NYAP2: variants seen among roughly 807,000 people sequenced by gnomAD.
NYAP2 encodes neuronal tyrosine-phosphorylated phosphoinositide-3-kinase adapter 2.
Under a neutral mutation model 50.4 loss-of-function variants are expected in NYAP2, and 23 were observed. The observed-to-expected ratio is 0.46, with a 90% confidence interval of 0.33 to 0.65. The LOEUF (loss-of-function observed/expected upper bound fraction) is 0.65, where lower values mean the gene tolerates loss of function less well. NYAP2 is among the 30% of genes least tolerant of loss of function. The pLI is 0.02. For missense variants in NYAP2, 885 were observed against 861.0 expected, an observed-to-expected ratio of 1.03 and a Z score of -0.35; for synonymous variants, 394 against 365.2, an observed-to-expected ratio of 1.08 and a Z score of -0.90.
intron 6 of NYAP2, among the ~76,000 whole-genome samples, chr2:225,643,718 T>C (rs1314324463): frequency 3.3e-5 from 5 of 151,910 alleles, no homozygotes; most frequent in Non-Finnish European, 5.9e-5. Context: ...CTTGCGATAG[T>C]TTACTGAGAA....
chr2:225,673,747 A>T, the NYAP2 span, among the ~76,000 whole-genome samples: 1 of 152,162 alleles, frequency 6.6e-6, no homozygotes, highest in Non-Finnish European at 1.5e-5. Context: ...GGATAGTCAG[A>T]AAGCTCAGTC....
At chr2:225,615,643 G>A (rs142394700) in intron 5 of NYAP2, among the ~76,000 whole-genome samples, 147 of 152,256 alleles carry the variant, frequency 9.7e-4, no homozygotes, top group African/African-American at 3.5e-3. Context: ...AGGTACTCCC[G>A]ATGCAAATTT....
intron 3 of NYAP2, among the ~76,000 whole-genome samples, chr2:225,439,172 G>A (rs1318763662): frequency 1.3e-5 from 2 of 152,122 alleles, no homozygotes; most frequent in East Asian, 1.9e-4. Flanking sequence ...ATAAGGGTTG[G>A]GTTTTCATTA....
chr2:225,557,276 T>C (rs1016288646), intron 4 of NYAP2, among the ~76,000 whole-genome samples: 2 of 152,166 alleles, frequency 1.3e-5, no homozygotes, highest in African/African-American at 2.4e-5. Context: ...CTTCCATCCA[T>C]CTATCAATCC....
intron 3 of NYAP2, among the ~76,000 whole-genome samples, chr2:225,468,818 C>G (rs1334048207): frequency 6.6e-6 from 1 of 152,128 alleles, no homozygotes; most frequent in Non-Finnish European, 1.5e-5. Flanking sequence ...GAGTTTCTTT[C>G]TAATTGTGAT....
At chr2:225,642,660 A>G (rs950126599) in intron 6 of NYAP2, among the ~76,000 whole-genome samples, 1 of 152,178 alleles carries the variant, frequency 6.6e-6, no homozygotes, top group Non-Finnish European at 1.5e-5. Flanking sequence ...GGGATAGAAT[A>G]ATCGATTGGA....
chr2:225,647,972 ATG>A (rs1693662102), intron 6 of NYAP2, among the ~76,000 whole-genome samples: 1 of 30,726 alleles, frequency 3.3e-5, no homozygotes, highest in Non-Finnish European at 6.0e-5. Flanking sequence ...GTGCATACAT[ATG>A]TGTGTGTGCA....
intron 3 of NYAP2, among the ~76,000 whole-genome samples, chr2:225,454,948 A>G (rs573094628): frequency 1.3e-5 from 2 of 152,290 alleles, no homozygotes; most frequent in African/African-American, 4.8e-5. Context: ...GGTGATCTCA[A>G]TGTAGTCAAA....
At chr2:225,498,545 G>A (rs962711138) in intron 3 of NYAP2, among the ~76,000 whole-genome samples, 6 of 150,794 alleles carry the variant, frequency 4.0e-5, no homozygotes, top group African/African-American at 1.5e-4. Flanking sequence ...GAGGAGGATT[G>A]ATGTGATCCC....
chr2:225,513,993 G>A (rs1403531308), intron 4 of NYAP2, among the ~76,000 whole-genome samples: 1 of 152,070 alleles, frequency 6.6e-6, no homozygotes, highest in Non-Finnish European at 1.5e-5. Context: ...ACAATTAAAG[G>A]TATTATTATT....
intron 3 of NYAP2, among the ~76,000 whole-genome samples, chr2:225,476,773 T>C (rs1035249288): frequency 6.6e-5 from 10 of 152,162 alleles, no homozygotes; most frequent in African/African-American, 1.9e-4. Flanking sequence ...CAATATGCCA[T>C]ACAGATACAA....
upstream of NYAP2, among the ~76,000 whole-genome samples, chr2:225,399,308 AG>A (rs746937819): frequency 5.3e-5 from 8 of 152,208 alleles, no homozygotes; most frequent in Admixed American, 3.9e-4. Context: ...AGGAGGAGCC[AG>A]TATGAGAAAA....
chr2:225,435,473 T>C (rs1163498947), intron 3 of NYAP2, among the ~76,000 whole-genome samples: 1 of 152,196 alleles, frequency 6.6e-6, no homozygotes, highest in Admixed American at 6.5e-5. Context: ...GGAGGTTAAA[T>C]TGGCTTAAGT....
At chr2:225,566,506 TTTTC>T (rs1691965838) in intron 4 of NYAP2, among the ~76,000 whole-genome samples, 1 of 152,228 alleles carries the variant, frequency 6.6e-6, no homozygotes, top group Admixed American at 6.5e-5. Context: ...CCCAACTTAC[TTTTC>T]TTTAAGATAA....
chr2:225,449,231 T>G (rs1368482477), intron 3 of NYAP2, among the ~76,000 whole-genome samples: 1 of 152,230 alleles, frequency 6.6e-6, no homozygotes, highest in Non-Finnish European at 1.5e-5. Context: ...TCATTTATCC[T>G]TGAATGTATT....
rs191095145 is a variant in NYAP2, at chr2:225,416,927, A to C, written c.221+7826A>C. Among the ~76,000 whole-genome samples, 25 of 152,306 alleles carry C rather than the reference A, an allele frequency of 1.6e-4. No individual in the cohort carries two copies. In the East Asian group the frequency reaches 4.8e-3, roughly 29 times the overall value. On this transcript the variant is annotated intron_variant, in intron 3 of 6. Transcript: ENST00000636099. ...GTGGACCTTCCAAACATCCAACACC[A>C]TGGCAAATTGAATGATTAAACAGAA...
chr2:225,635,495 TC>T (rs574907921), intron 6 of NYAP2, among the ~76,000 whole-genome samples: 139 of 152,306 alleles, frequency 9.1e-4, no homozygotes, highest in South Asian at 1.7e-3. Context: ...AAACGTTTAT[TC>T]CGTTCCCATT....
chr2:225,453,493 C>CA (rs1689685776), intron 3 of NYAP2, among the ~76,000 whole-genome samples: 1 of 151,956 alleles, frequency 6.6e-6, no homozygotes. Flanking sequence ...AAATATATAG[C>CA]AAAAAATCAA....
chr2:225,399,353 C>T (rs956457387), upstream of NYAP2, among the ~76,000 whole-genome samples: 1 of 151,874 alleles, frequency 6.6e-6, no homozygotes, highest in Non-Finnish European at 1.5e-5. Context: ...TACACACAAA[C>T]ACACATATAT....
Sources: allele counts gnomAD v4.1 joint callset (sites outside exome capture counted in the v4.1 genomes callset), GRCh38; gene constraint gnomAD v4.1.1; transcripts MANE v1.5; gene names NCBI Gene and HGNC (gene_info 2026-07-23, HGNC 2026-07-21).